The following HDAC4 variants were observed in gnomAD, a reference collection of about 807,000 sequenced individuals.
HDAC4 encodes the protein histone deacetylase 4.
Under a neutral mutation model 135.1 loss-of-function variants are expected in HDAC4, and 16 were observed. That is an observed-to-expected ratio of 0.12 (90% CI 0.08 to 0.18). HDAC4 has a LOEUF of 0.18. Ranked by LOEUF, HDAC4 falls within the 10% of genes least tolerant of loss-of-function variation. HDAC4 has a pLI of 1.00. For missense variants in HDAC4, 1,143 were observed against 1,511.8 expected (o/e 0.76, Z 4.05); for synonymous variants, 685 against 653.4 (o/e 1.05, Z -0.74).
chr2:239,380,049 G>A (rs970996773), intron 1 of HDAC4, among the ~76,000 whole-genome samples: 1 of 152,186 alleles, frequency 6.6e-6, no homozygotes, highest in East Asian at 1.9e-4. Context: ...CTGGGAGGGC[G>A]TGCACGAAAA....
intron 12 of HDAC4, among the ~76,000 whole-genome samples, chr2:239,121,345 G>A (rs2039669522): frequency 6.6e-6 from 1 of 152,196 alleles, no homozygotes; most frequent in African/African-American, 2.4e-5. Flanking sequence ...TGGCGGTGGA[G>A]GTAGTGGGGG....
intron 12 of HDAC4, among the ~76,000 whole-genome samples, chr2:239,123,768 G>A (rs1361638959): frequency 6.6e-6 from 1 of 152,216 alleles, no homozygotes; most frequent in Non-Finnish European, 1.5e-5. Context: ...GGAGGTCAGG[G>A]CTGCGGGAAG....
intron 12 of HDAC4, among the ~76,000 whole-genome samples, chr2:239,120,264 G>A (rs539570936): frequency 6.6e-6 from 1 of 152,270 alleles, no homozygotes; most frequent in South Asian, 2.1e-4. Context: ...ACGCAGAGCT[G>A]GGGAGCTGAA....
intron 1 of HDAC4, among the ~76,000 whole-genome samples, chr2:239,366,128 G>GACAC (rs1365679484): frequency 8.6e-6 from 1 of 116,804 alleles, no homozygotes; most frequent in Non-Finnish European, 1.7e-5. Context: ...GGCACTGGCG[G>GACAC]ACACAAACAC....
rs989288269 is a variant in HDAC4, at chr2:239,083,014, C to T, written c.2533-793G>A. ...TTATCTGTGCTCATCACAGAAAAGG[C>T]GGAAGGGCAGCTACAGGTGAGGAGC... On this transcript the variant is annotated intron_variant, in intron 20 of 26. Transcript: ENST00000543185. 5.9e-5 allele frequency among the ~76,000 whole-genome samples: 9 copies of T among 152,330 alleles called. No individual in the cohort carries two copies. The East Asian group carries it at 1.4e-3, about 23-fold the overall frequency.
rs141312375 is a variant in HDAC4 at position 239,306,143 on chromosome 2, G to A, written c.22+46535C>T. Among the ~76,000 whole-genome samples the A allele has an allele frequency of 3.9e-5, 6 of 152,310 alleles. No homozygotes were observed. Among genetic ancestry groups the A allele is most frequent in the East Asian group, 3.8e-4 (2 of 5,196 alleles). On this transcript the variant is annotated intron_variant, in intron 2 of 26. Transcript: ENST00000543185. The surrounding 1 kb of genome is among the most constrained non-coding windows in gnomAD (Gnocchi z 4.5). ...TCGGTCAGCCTTGCTTCTAGAAACCGAGGATTCTGGGTTTGGAGGCACCCC... is the reference window on the plus strand; with the variant it reads ...TCGGTCAGCCTTGCTTCTAGAAACCAAGGATTCTGGGTTTGGAGGCACCCC...
intron 1 of HDAC4, among the ~76,000 whole-genome samples, chr2:239,354,899 AC>A (rs1693395361): frequency 6.6e-6 from 1 of 152,174 alleles, no homozygotes; most frequent in Non-Finnish European, 1.5e-5. Flanking sequence ...ACACAAAAAA[AC>A]ACATCTCAGC....
intron 2 of HDAC4, among the ~76,000 whole-genome samples, chr2:239,288,784 G>GA (rs1051935657): frequency 8.5e-5 from 13 of 152,074 alleles, no homozygotes; most frequent in African/African-American, 3.1e-4. Flanking sequence ...AAAATCTATT[G>GA]AAAAAAGACA....
rs1473253964 is a variant in HDAC4 at position 239,052,054 on chromosome 2, C to T, written c.*1043G>A. 1 of 152,574 alleles carries T rather than the reference C, an allele frequency of 6.6e-6. No homozygotes were observed. Among genetic ancestry groups the T allele is most frequent in the East Asian group, 1.9e-4 (1 of 5,198 alleles). 9.5% of individuals were successfully genotyped at this position (152,574 alleles called of 1,614,324 possible). A position where few individuals can be genotyped will look rare whatever the true frequency, so the allele number is the denominator to read the frequency against. On this transcript the variant is annotated 3_prime_UTR_variant, in exon 27 of 27. Coordinates refer to ENST00000543185, the MANE Select transcript of HDAC4 (RefSeq NM_001378414.1). ...GATCGTAACACTGCAAGTGTGCCTA[C>T]CACATGCTTCACGACCAGATGGAGA...
Position 239,052,849 on chromosome 2 carries a change from G to A in HDAC4, c.*248C>T, listed in dbSNP as rs1028204755. 8 of 560,194 alleles carry A rather than the reference G, an allele frequency of 1.4e-5. No individual in the cohort carries two copies. The highest frequency in any genetic ancestry group is 2.1e-5 in the South Asian group (1 of 47,260). 34.7% of individuals were successfully genotyped at this position (560,194 alleles called of 1,614,324 possible). ...GAGTGTGCTTGGCTTCCGCGTGTCC[G>A]TGTGTCTGCGCGTCGCCGGCGTCTG... is the stretch of plus-strand genomic sequence containing the variant. On this transcript the variant is annotated 3_prime_UTR_variant, in exon 27 of 27. Transcript: ENST00000543185.
In HDAC4 at chr2:239,119,828, C is replaced by T. The variant is rs186828081; in HGVS notation, c.1534-4518G>A. Among the ~76,000 whole-genome samples the T allele has an allele frequency of 6.1e-3, 931 of 152,254 alleles. 12 individuals are homozygous for T. Among genetic ancestry groups the T allele is most frequent in the Non-Finnish European group, 0.01 (685 of 68,000 alleles). ...ACAGGAAGGTGCTAATGAGTCAGCGCGAGGGCAGGGGAATGCCTGCAGAGA... is the reference window on the plus strand; with the variant it reads ...ACAGGAAGGTGCTAATGAGTCAGCGTGAGGGCAGGGGAATGCCTGCAGAGA... On this transcript the variant is annotated intron_variant, in intron 12 of 26. Coordinates refer to ENST00000543185, the MANE Select transcript of HDAC4 (RefSeq NM_001378414.1).
At chr2:239,300,102 T>A (rs1311119717) in intron 2 of HDAC4, among the ~76,000 whole-genome samples, 1 of 152,158 alleles carries the variant, frequency 6.6e-6, no homozygotes, top group African/African-American at 2.4e-5. Flanking sequence ...TCTTCCAGTC[T>A]CCTCAACAAC....
chr2:239,315,447 T>C (rs929506700), intron 2 of HDAC4, among the ~76,000 whole-genome samples: 1 of 152,190 alleles, frequency 6.6e-6, no homozygotes, highest in Admixed American at 6.5e-5. Context: ...CAACGGGCAA[T>C]GCCGATGCAC....
At chr2:239,243,173 G>C (rs1490174411) in intron 2 of HDAC4, among the ~76,000 whole-genome samples, 1 of 146,154 alleles carries the variant, frequency 6.8e-6, no homozygotes, top group Non-Finnish European at 1.5e-5. Context: ...TTTTTTTTGA[G>C]ACATTGTCTC....
intron 15 of HDAC4, among the ~76,000 whole-genome samples, chr2:239,107,822 C>T (rs1259170545): frequency 1.3e-5 from 2 of 152,192 alleles, no homozygotes; most frequent in Non-Finnish European, 2.9e-5. Context: ...ACAGAGGCAG[C>T]AGCTTCCTGC....
chr2:239,334,336 A>G (rs1391076076), intron 2 of HDAC4, among the ~76,000 whole-genome samples: 1 of 152,024 alleles, frequency 6.6e-6, no homozygotes, highest in African/African-American at 2.4e-5. Context: ...CCTGATCAAC[A>G]TGGTGACGCC....
At chr2:239,348,864 CGT>C in intron 2 of HDAC4, among the ~76,000 whole-genome samples, 1 of 152,356 alleles carries the variant, frequency 6.6e-6, no homozygotes. Context: ...GCAGCTTTGA[CGT>C]CAGAGAACCA....
intron 13 of HDAC4, among the ~76,000 whole-genome samples, chr2:239,114,789 C>T (rs2038981898): frequency 1.3e-5 from 2 of 152,296 alleles, no homozygotes; most frequent in South Asian, 4.1e-4. Flanking sequence ...GGAAGGAAAT[C>T]CATTCTCTGG....
chr2:239,205,350 C>T (rs1015808578), intron 3 of HDAC4, among the ~76,000 whole-genome samples: 1 of 151,992 alleles, frequency 6.6e-6, no homozygotes, highest in African/African-American at 2.4e-5. Context: ...TTCAGAAGAC[C>T]CCGCAATATG....
Sources: gnomAD v4.1 joint callset for allele counts (sites outside exome capture counted in the v4.1 genomes callset) on GRCh38, gnomAD v4.1.1 for gene constraint, Gnocchi (gnomAD v3.1) non-coding constraint, MANE v1.5 for transcripts, NCBI Gene and HGNC (gene_info 2026-07-23, HGNC 2026-07-21) for gene names.